The following SLC26A8 variants were observed in gnomAD, a reference collection of about 807,000 sequenced individuals.
SLC26A8 encodes solute carrier family 26 member 8, also known as testis anion transporter 1.
SLC26A8 carries 70 observed loss-of-function variants against 105.0 expected under a neutral mutation model. The observed-to-expected ratio is 0.67, with a 90% CI of 0.55 to 0.81. The LOEUF is 0.81. SLC26A8 is among the 40% of genes least tolerant of loss of function. SLC26A8 has a pLI of 0.00. For synonymous variants in SLC26A8, 415 were observed against 438.3 expected, an observed-to-expected ratio of 0.95 and a Z score of 0.66; for missense variants, 998 against 1,181.8, an observed-to-expected ratio of 0.84 and a Z score of 2.28.
chr6:36,013,236 G>A (rs940870266), intron 2 of SLC26A8, among the ~76,000 whole-genome samples: 5 of 147,564 alleles, frequency 3.4e-5, no homozygotes, highest in Non-Finnish European at 4.4e-5. Context: ...TTGCTCTTTC[G>A]CCCAGGCTGG....
intron 16 of SLC26A8, among the ~76,000 whole-genome samples, chr6:35,958,489 A>G (rs1176722616): frequency 2.0e-5 from 3 of 150,098 alleles, no homozygotes; most frequent in African/African-American, 7.4e-5. Context: ...ATATACCACT[A>G]TTATGAAAGA....
At chr6:35,999,930 A>C in intron 4 of SLC26A8, 62 bp downstream of exon 4, 3 of 1,138,240 alleles carry the variant, frequency 2.6e-6, no homozygotes, top group East Asian at 4.7e-5. Context: ...TACCTTAGCA[A>C]TAAGTATATG....
intron 5 of SLC26A8, among the ~76,000 whole-genome samples, chr6:35,996,404 A>G (rs1562058238): frequency 6.6e-6 from 1 of 152,164 alleles, no homozygotes; most frequent in South Asian, 2.1e-4. Flanking sequence ...GAGCCAAAAT[A>G]AGTTTTGAGA....
intron 11 of SLC26A8, among the ~76,000 whole-genome samples, chr6:35,965,355 T>C (rs780991650): frequency 4.6e-5 from 7 of 152,068 alleles, no homozygotes; most frequent in Non-Finnish European, 1.0e-4. Context: ...GGCTTCAAAG[T>C]AGAATTTAAC....
chr6:35,999,043 C>T (rs1003918570), intron 4 of SLC26A8, among the ~76,000 whole-genome samples: 1 of 151,988 alleles, frequency 6.6e-6, no homozygotes, highest in Non-Finnish European at 1.5e-5. Flanking sequence ...TACAGACACC[C>T]GCCACCACGC....
intron 2 of SLC26A8, among the ~76,000 whole-genome samples, chr6:36,013,411 G>T (rs1439567227): frequency 6.6e-6 from 1 of 152,090 alleles, no homozygotes; most frequent in Non-Finnish European, 1.5e-5. Flanking sequence ...TGGCCAGGCT[G>T]GTCAGGTGAT....
intron 16 of SLC26A8, among the ~76,000 whole-genome samples, chr6:35,957,543 G>A (rs1772125689): frequency 1.3e-5 from 2 of 151,940 alleles, no homozygotes; most frequent in Admixed American, 6.6e-5. Flanking sequence ...GAACAGGCCA[G>A]GGTTGGCTCA....
intron 2 of SLC26A8, among the ~76,000 whole-genome samples, chr6:36,016,535 T>A (rs1470342669): frequency 6.6e-6 from 1 of 152,220 alleles, no homozygotes; most frequent in East Asian, 1.9e-4. Flanking sequence ...AAATATTAGT[T>A]ACATTCATCA....
chr6:35,961,824 T>C (rs999911641), intron 12 of SLC26A8, among the ~76,000 whole-genome samples: 1 of 152,248 alleles, frequency 6.6e-6, no homozygotes, highest in Non-Finnish European at 1.5e-5. Flanking sequence ...TCCGGTTTTG[T>C]GCTCCAGAGA....
At chr6:35,973,062 C>CT (rs1466758912) in intron 10 of SLC26A8, among the ~76,000 whole-genome samples, 1 of 152,194 alleles carries the variant, frequency 6.6e-6, no homozygotes, top group Non-Finnish European at 1.5e-5. Flanking sequence ...ATTTATGCCG[C>CT]TTTTTAAAAA....
chr6:35,998,303 CCTAGCA>C (rs1300375947), intron 4 of SLC26A8, among the ~76,000 whole-genome samples: 6 of 152,124 alleles, frequency 3.9e-5, no homozygotes, highest in Non-Finnish European at 8.8e-5. Context: ...CGCCTGTAAT[CCTAGCA>C]CTTTGGGAGG....
intron 8 of SLC26A8, among the ~76,000 whole-genome samples, chr6:35,980,826 A>G (rs185403573): frequency 1.4e-4 from 21 of 152,250 alleles, no homozygotes; most frequent in Non-Finnish European, 2.8e-4. Context: ...CAGCCTGGCC[A>G]ACATGGTGAA....
chr6:35,989,031 G>A (rs1438794553), intron 7 of SLC26A8, among the ~76,000 whole-genome samples: 1 of 151,674 alleles, frequency 6.6e-6, no homozygotes, highest in Non-Finnish European at 1.5e-5. Context: ...TAGTAGAGAT[G>A]GTGTTTCACC....
intron 1 of SLC26A8, among the ~76,000 whole-genome samples, chr6:36,020,712 G>C (rs1030680714): frequency 6.6e-6 from 1 of 152,106 alleles, no homozygotes; most frequent in Non-Finnish European, 1.5e-5. Flanking sequence ...CTGGGAGAAA[G>C]TATAACCAGT....
At chr6:35,951,100 CACCCAT>C in intron 19 of SLC26A8, 57 bp downstream of exon 19, 1 of 1,364,754 alleles carries the variant, frequency 7.3e-7, no homozygotes, top group Non-Finnish European at 1.0e-6. Context: ...AACCACCCCT[CACCCAT>C]CCCCCCACTG....
chr6:36,015,748 G>C (rs1231911186), intron 2 of SLC26A8, among the ~76,000 whole-genome samples: 1 of 152,112 alleles, frequency 6.6e-6, no homozygotes, highest in Non-Finnish European at 1.5e-5. Context: ...GACTGGGGGG[G>C]ATATCCAAGA....
At chr6:35,993,179 T>C (rs1425947583) in intron 5 of SLC26A8, among the ~76,000 whole-genome samples, 3 of 24,042 alleles carry the variant, frequency 1.2e-4, no homozygotes. Flanking sequence ...TTTTTTTTGA[T>C]AGAGATTGGA....
At chr6:36,006,362 C>T (rs1397130261) in intron 3 of SLC26A8, among the ~76,000 whole-genome samples, 3 of 152,184 alleles carry the variant, frequency 2.0e-5, no homozygotes, top group East Asian at 1.9e-4. Context: ...TCAAGTGATT[C>T]ACCTCCCTCA....
chr6:35,964,332 T>C (rs1772419480), intron 11 of SLC26A8, among the ~76,000 whole-genome samples: 1 of 152,226 alleles, frequency 6.6e-6, no homozygotes, highest in South Asian at 2.1e-4. Flanking sequence ...CACAAAAACT[T>C]TGTTTTACTT....
Sources: allele counts gnomAD v4.1 joint callset (sites outside exome capture counted in the v4.1 genomes callset), GRCh38; gene constraint gnomAD v4.1.1; transcripts MANE v1.5; gene names NCBI Gene and HGNC (gene_info 2026-07-23, HGNC 2026-07-21).